Variants in LRP6 observed in about 807,000 individuals in gnomAD.
LRP6 encodes the protein LDL receptor related protein 6.
LRP6 carries 43 observed loss-of-function variants against 184.1 expected under a neutral mutation model. The ratio of observed to expected loss-of-function variants is 0.23; its 90% CI spans 0.18 to 0.30. LRP6 has a LOEUF of 0.30. Ranked by LOEUF, LRP6 falls within the 10% of genes least tolerant of loss-of-function variation. LRP6 has a pLI of 1.00. For missense variants in LRP6, 1,571 were observed against 2,005.3 expected (o/e 0.78, Z 4.14); for synonymous variants, 719 against 684.9 (o/e 1.05, Z -0.78).
chr12:12,250,965 C>T (rs1052822745), intron 1 of LRP6, among the ~76,000 whole-genome samples: 1 of 142,342 alleles, frequency 7.0e-6, no homozygotes, highest in African/African-American at 2.6e-5. Context: ...GGGTTTCGCT[C>T]TGTCACCCAG....
chr12:12,202,300 T>C (rs1863932866), intron 3 of LRP6, among the ~76,000 whole-genome samples: 1 of 152,256 alleles, frequency 6.6e-6, no homozygotes, highest in African/African-American at 2.4e-5. Context: ...TCTAGCACTT[T>C]CGGAGGCCGA....
rs34426182 is a variant in LRP6 at position 12,138,347 on chromosome 12, C to T, written c.3585G>A (p.Lys1195=). ...IAQLSDIHAV[K]ELNLQEYRQH... Reference sequence around the variant, plus strand: ...TACTGTATTCTTGAAGGTTCAGCTCCTTTACTGCATGAATGTCACTAAGCT... The same window carrying T: ...TACTGTATTCTTGAAGGTTCAGCTCTTTTACTGCATGAATGTCACTAAGCT... Residue 1195 remains lysine, a synonymous_variant, in exon 16 of 23, where the codon AAG becomes AAA. Transcript: ENST00000261349. 3.7e-4 allele frequency: 597 copies of T among 1,614,106 alleles called. 2 individuals are homozygous for T. In the African/African-American group the frequency reaches 7.2e-3, roughly 19 times the overall value.
chr12:12,147,361 G>T lies in LRP6; in HGVS notation c.3397+5C>A. On this transcript the variant is annotated splice_donor_5th_base_variant and intron_variant, in intron 15 of 22. Coordinates refer to ENST00000261349, the MANE Select transcript of LRP6 (RefSeq NM_002336.3). ...TTAAAATAAGGAAACATATTTCTTG[G>T]GTACCTGAGAGATCACTGCTTTCAA... 6.2e-7 allele frequency: 1 copy of T among 1,613,810 alleles called. No homozygotes were observed. Among genetic ancestry groups the T allele is most frequent in the Non-Finnish European group, 8.5e-7 (1 of 1,179,802 alleles).
chr12:12,186,658 CTTT>C (rs34355990), intron 4 of LRP6: 684 of 287,316 alleles, frequency 2.4e-3, no homozygotes, highest in South Asian at 3.4e-3. Context: ...GGGATTTTAA[CTTT>C]TTTTTTTTTT....
At chr12:12,257,373 T>TG (rs1865489765) in intron 1 of LRP6, among the ~76,000 whole-genome samples, 2 of 151,234 alleles carry the variant, frequency 1.3e-5, no homozygotes, top group African/African-American at 2.4e-5. Flanking sequence ...GGTCAGGAGA[T>TG]CAGACCATCC....
At chr12:12,255,214 C>G (rs1310465594) in intron 1 of LRP6, among the ~76,000 whole-genome samples, 3 of 152,072 alleles carry the variant, frequency 2.0e-5, no homozygotes, top group Non-Finnish European at 4.4e-5. Context: ...ATTCTCTTCT[C>G]CCCACAAATT....
At chr12:12,222,453 C>A (rs1565671743) in intron 2 of LRP6, among the ~76,000 whole-genome samples, 1 of 151,636 alleles carries the variant, frequency 6.6e-6, no homozygotes, top group Non-Finnish European at 1.5e-5. Flanking sequence ...TGTAATCCCA[C>A]CTACTCGGTA....
chr12:12,145,414 A>G (rs944985666), intron 15 of LRP6, among the ~76,000 whole-genome samples: 2 of 152,124 alleles, frequency 1.3e-5, no homozygotes, highest in East Asian at 3.9e-4. Flanking sequence ...AGCAGTCTCA[A>G]CATTTTAGTA....
chr12:12,180,096 G>GA, intron 6 of LRP6, 115 bp from the exon 7 acceptor site: 1 of 777,830 alleles, frequency 1.3e-6, no homozygotes, highest in Non-Finnish European at 2.1e-6. Flanking sequence ...TAATGCCAAG[G>GA]AAGGGGAAAA....
chr12:12,167,012 T>C (rs1190738726), intron 7 of LRP6, among the ~76,000 whole-genome samples: 1 of 152,096 alleles, frequency 6.6e-6, no homozygotes, highest in Admixed American at 6.5e-5. Flanking sequence ...AGCAGGCAGA[T>C]TGCTTGAGCC....
At chr12:12,159,235 G>T in intron 11 of LRP6, 80 bp from the exon 12 acceptor site, 3 of 900,170 alleles carry the variant, frequency 3.3e-6, no homozygotes, top group Non-Finnish European at 5.1e-6. Context: ...CTGGCAAAAA[G>T]AAAAAAAAAA....
chr12:12,154,106 G>A (rs112678451), intron 12 of LRP6, among the ~76,000 whole-genome samples: 8 of 152,200 alleles, frequency 5.3e-5, no homozygotes, highest in African/African-American at 1.9e-4. Context: ...ACTGAATAAA[G>A]GATTACACAA....
intron 10 of LRP6, among the ~76,000 whole-genome samples, chr12:12,161,570 C>A (rs570009992): frequency 6.6e-6 from 1 of 152,320 alleles, no homozygotes; most frequent in East Asian, 1.9e-4. Flanking sequence ...CACGCCCGGC[C>A]TGTTGACTTC....
intron 2 of LRP6, among the ~76,000 whole-genome samples, chr12:12,224,603 T>C (rs983264463): frequency 2.0e-5 from 3 of 152,326 alleles, no homozygotes; most frequent in African/African-American, 4.8e-5. Context: ...CTATCAAAAA[T>C]AAATTAATGA....
chr12:12,252,992 C>A (rs558360391), intron 1 of LRP6, among the ~76,000 whole-genome samples: 58 of 152,310 alleles, frequency 3.8e-4, no homozygotes, highest in African/African-American at 1.3e-3. Flanking sequence ...CGGCTGGGCG[C>A]AGTTGCTCAC....
intron 2 of LRP6, among the ~76,000 whole-genome samples, chr12:12,219,190 T>A (rs1260500071): frequency 6.6e-6 from 1 of 152,110 alleles, no homozygotes; most frequent in Non-Finnish European, 1.5e-5. Context: ...CTCTTAACTG[T>A]CTACCCCTTT....
chr12:12,236,965 T>C (rs1864945383), intron 2 of LRP6, among the ~76,000 whole-genome samples: 1 of 152,030 alleles, frequency 6.6e-6, no homozygotes, highest in Admixed American at 6.6e-5. Flanking sequence ...TAGCTCTATC[T>C]CCAGTCCCTC....
At chr12:12,131,380 T>C (rs1949754164) in intron 18 of LRP6, among the ~76,000 whole-genome samples, 1 of 151,942 alleles carries the variant, frequency 6.6e-6, no homozygotes, top group Admixed American at 6.6e-5. Context: ...AGTGCTGGGA[T>C]TACAGGCGTG....
intron 7 of LRP6, among the ~76,000 whole-genome samples, chr12:12,171,437 G>A (rs532345741): frequency 1.3e-5 from 2 of 152,186 alleles, no homozygotes; most frequent in African/African-American, 4.8e-5. Context: ...CAGGAGGATG[G>A]CGTGAACCCG....
Sources: allele counts gnomAD v4.1 joint callset (sites outside exome capture counted in the v4.1 genomes callset), GRCh38; gene constraint gnomAD v4.1.1; transcripts MANE v1.5; gene names NCBI Gene and HGNC (gene_info 2026-07-23, HGNC 2026-07-21).